The following ZKSCAN5 variants were observed in gnomAD, a reference collection of about 807,000 sequenced individuals.
ZKSCAN5 encodes zinc finger with KRAB and SCAN domains 5.
ZKSCAN5 carries 28 observed loss-of-function variants against 60.0 expected under a neutral mutation model. That is an observed-to-expected ratio of 0.47 (90% CI 0.35 to 0.64). The LOEUF is 0.64. ZKSCAN5 is among the 30% of genes least tolerant of loss of function. The pLI is 0.01. For synonymous variants in ZKSCAN5, 361 were observed against 371.2 expected (o/e 0.97, Z 0.31); for missense variants, 881 against 1,034.6 (o/e 0.85, Z 2.04).
At chr7:99,507,450 T>C (rs1800790398) in intron 2 of ZKSCAN5, among the ~76,000 whole-genome samples, 1 of 150,774 alleles carries the variant, frequency 6.6e-6, no homozygotes, top group Admixed American at 6.7e-5. Context: ...TGCGTATATA[T>C]GTATATATAT....
intron 4 of ZKSCAN5, 28 bp from the exon 5 acceptor site, chr7:99,520,141 A>G: frequency 6.2e-7 from 1 of 1,609,966 alleles, no homozygotes; most frequent in Non-Finnish European, 8.5e-7. Flanking sequence ...ATAGGGAATG[A>G]GAATTTAGTG....
intron 5 of ZKSCAN5, among the ~76,000 whole-genome samples, chr7:99,521,462 T>C (rs1801536877): frequency 6.6e-6 from 1 of 152,116 alleles, no homozygotes; most frequent in African/African-American, 2.4e-5. Flanking sequence ...TCCCAAAGTG[T>C]TGGGATTAAC....
intron 6 of ZKSCAN5, among the ~76,000 whole-genome samples, chr7:99,530,215 G>T (rs570683122): frequency 1.9e-4 from 29 of 151,896 alleles, no homozygotes; most frequent in African/African-American, 6.5e-4. Context: ...TGTATTTTTA[G>T]TAGAGATGTG....
At position 99,519,309 on chromosome 7, in the gene ZKSCAN5, ACT is replaced by A. The variant is rs368575098; in HGVS notation, c.554-515_554-514del. ...TTTTTTTTTTCTGAGACAGTGGCTG[ACT>A]CTGTTGCCCAGGCTGGAGTGCAGTG... On this transcript the variant is annotated intron_variant, in intron 3 of 6. Transcript: ENST00000326775. Among the ~76,000 whole-genome samples the A allele has an allele frequency of 5.3e-3, 584 of 110,026 alleles. 4 individuals carry two copies. The highest frequency in any genetic ancestry group is 0.02 in the African/African-American group (543 of 27,612). The allele number at this position is 110,026 out of a possible 152,430, so 72.2% of individuals were successfully genotyped here.
At position 99,524,896 on chromosome 7, in the gene ZKSCAN5, C is replaced by T. The variant is rs1318303374; in HGVS notation, c.773-917C>T. The stretch of plus-strand genomic sequence containing the variant: ...AATATTGCCCAGTCGTGACTGGGCG[C>T]GGTGGCTCATGTCTGTAATCCCAGC... On this transcript the variant is annotated intron_variant, in intron 5 of 6. Transcript: ENST00000326775. Among the ~76,000 whole-genome samples the T allele has an allele frequency of 3.9e-5, 6 of 151,998 alleles. No individual in the cohort carries two copies. In the South Asian group the frequency reaches 1.2e-3, roughly 32 times the overall value.
chr7:99,519,421 G>A (rs1278936980), intron 3 of ZKSCAN5, among the ~76,000 whole-genome samples: 1 of 152,084 alleles, frequency 6.6e-6, no homozygotes, highest in Non-Finnish European at 1.5e-5. Flanking sequence ...AGGATTACAG[G>A]CGTGCATCAC....
At chr7:99,529,105 T>C (rs886616234) in intron 6 of ZKSCAN5, among the ~76,000 whole-genome samples, 5 of 152,074 alleles carry the variant, frequency 3.3e-5, no homozygotes, top group African/African-American at 1.2e-4. Flanking sequence ...ATTCTTCCAG[T>C]TTTTGTCAGT....
intron 2 of ZKSCAN5, among the ~76,000 whole-genome samples, chr7:99,509,155 A>G (rs554766730): frequency 7.1e-4 from 108 of 151,770 alleles, no homozygotes; most frequent in Non-Finnish European, 1.3e-3. Context: ...TGCCCAGCTA[A>G]TTTTTGTATT....
At chr7:99,508,424 A>G (rs1364575715) in intron 2 of ZKSCAN5, among the ~76,000 whole-genome samples, 3 of 151,762 alleles carry the variant, frequency 2.0e-5, no homozygotes, top group Non-Finnish European at 4.4e-5. Flanking sequence ...CTGGTAGAAC[A>G]ATGTTATCAA....
At chr7:99,512,344 C>A in intron 2 of ZKSCAN5, 109 bp from the exon 3 acceptor site, 1 of 1,389,782 alleles carries the variant, frequency 7.2e-7, no homozygotes, top group Non-Finnish European at 9.8e-7. Context: ...ATTGTAGATG[C>A]ACATTAAATA....
chr7:99,523,536 T>C (rs1253784614), intron 5 of ZKSCAN5, among the ~76,000 whole-genome samples: 1 of 151,674 alleles, frequency 6.6e-6, no homozygotes. Flanking sequence ...AACCAGGGAG[T>C]TAGAAGTAAC....
rs962425923 is a variant in ZKSCAN5 at position 99,521,677 on chromosome 7, C to A, written c.772+1373C>A. Among the ~76,000 whole-genome samples, 65 of 151,230 alleles carry A rather than the reference C, an allele frequency of 4.3e-4. 1 individual carries two copies. Among genetic ancestry groups the A allele is most frequent in the Non-Finnish European group, 8.7e-4 (59 of 67,882 alleles). ...CCTCTTTTTGATTTATTTGTGCATG[C>A]CTCTGTTCATTAATCTATTGGGATC... On this transcript the variant is annotated intron_variant, in intron 5 of 6. Coordinates refer to ENST00000326775, the MANE Select transcript of ZKSCAN5 (RefSeq NM_145102.4).
At chr7:99,528,266 G>A (rs576785839) in intron 6 of ZKSCAN5, among the ~76,000 whole-genome samples, 60 of 151,994 alleles carry the variant, frequency 3.9e-4, no homozygotes, top group Non-Finnish European at 4.1e-4. Flanking sequence ...CGTTCTACTC[G>A]ATGATTCCCT....
chr7:99,533,938 G>A lies in ZKSCAN5; in HGVS notation c.*1689G>A, dbSNP rs527563892. The A allele has an allele frequency of 3.9e-5, 10 of 258,600 alleles. No individual in the cohort carries two copies. Among genetic ancestry groups the A allele is most frequent in the Admixed American group, 1.6e-4 (3 of 18,330 alleles). 16.0% of individuals were successfully genotyped at this position (258,600 alleles called of 1,614,324 possible). ...GAGTGGATTGTGGAGTTGGTCACTC[G>A]CCAGGAGGGAGTGAAGACCCGCATC... On this transcript the variant is annotated 3_prime_UTR_variant, in exon 7 of 7. Coordinates refer to ENST00000326775, the MANE Select transcript of ZKSCAN5 (RefSeq NM_145102.4).
chr7:99,508,170 G>T (rs570670976), intron 2 of ZKSCAN5, among the ~76,000 whole-genome samples: 20 of 151,762 alleles, frequency 1.3e-4, no homozygotes, highest in African/African-American at 4.3e-4. Flanking sequence ...GTGGTGGCAC[G>T]CACCTGTAAT....
intron 3 of ZKSCAN5, among the ~76,000 whole-genome samples, chr7:99,513,546 A>G (rs1197484790): frequency 6.6e-6 from 1 of 152,004 alleles, no homozygotes; most frequent in Admixed American, 6.6e-5. Flanking sequence ...GGTGCCTGCC[A>G]CCATGCCCAG....
chr7:99,507,595 G>GTA (rs1279388956), intron 2 of ZKSCAN5, among the ~76,000 whole-genome samples: 87 of 148,898 alleles, frequency 5.8e-4, no homozygotes, highest in African/African-American at 2.0e-3. Flanking sequence ...ATGTGTGTGT[G>GTA]TATATATATA....
Position 99,531,941 on chromosome 7 carries a change from A to T in ZKSCAN5, c.2212A>T (p.Thr738Ser). ...YSSDLIQHYRTHTAEKPYQCD... is the reference protein window; with the variant it reads ...YSSDLIQHYRSHTAEKPYQCD... Reference sequence around the variant, plus strand: ...CTCAGACCTCATTCAGCATTACAGAACTCATACAGCAGAGAAGCCCTATCA... The same window carrying T: ...CTCAGACCTCATTCAGCATTACAGATCTCATACAGCAGAGAAGCCCTATCA... Residue 738 changes from threonine (T) to serine (S), a missense_variant, in exon 7 of 7, where the codon ACT (threonine) becomes TCT (serine). Physicochemically the swap from Thr to Ser is moderately conservative, Grantham distance 58. Around this residue, in one of 5 missense-constraint regions of ZKSCAN5, gnomAD observed 138 missense variants for 143.8 expected, o/e 0.96. Transcript: ENST00000326775. The T allele has an allele frequency of 1.9e-6, 3 of 1,614,136 alleles. 1 individual carries two copies. The highest frequency in any genetic ancestry group is 3.3e-4 in the Middle Eastern group (2 of 6,062).
At chr7:99,512,697 C>T in intron 3 of ZKSCAN5, 106 bp downstream of exon 3, 1 of 1,414,804 alleles carries the variant, frequency 7.1e-7, no homozygotes. Context: ...AGCAGCCTCT[C>T]TACAGCCTGC....
Sources: allele counts gnomAD v4.1 joint callset (sites outside exome capture counted in the v4.1 genomes callset), GRCh38; gene constraint gnomAD v4.1.1; regional missense constraint gnomAD v4.1.1; transcripts MANE v1.5; gene names NCBI Gene and HGNC (gene_info 2026-07-23, HGNC 2026-07-21).